The following CALN1 variants were observed in gnomAD, a reference collection of about 807,000 sequenced individuals.
CALN1 encodes calcium-binding protein 8.
In CALN1, 17 loss-of-function variants were observed where a neutral mutation model predicts 30.6. The ratio of observed to expected loss-of-function variants is 0.56; its 90% CI spans 0.38 to 0.83. The LOEUF (loss-of-function observed/expected upper bound fraction) is 0.83. Among genes scored for constraint, CALN1 ranks in the 40% least tolerant of loss-of-function variants. The pLI, the probability that CALN1 is intolerant of heterozygous loss-of-function variation, is 0.00. For synonymous variants in CALN1, 156 were observed against 131.4 expected, an observed-to-expected ratio of 1.19 and a Z score of -1.28; for missense variants, 291 against 354.9, an observed-to-expected ratio of 0.82 and a Z score of 1.45.
At chr7:71,799,411 C>T (rs1346948060) in intron 6 of CALN1, among the ~76,000 whole-genome samples, 1 of 150,128 alleles carries the variant, frequency 6.7e-6, no homozygotes, top group East Asian at 2.0e-4. Flanking sequence ...CAAAACAGCT[C>T]TCTGGGTCTT....
chr7:72,324,754 G>A (rs1055648847), intron 2 of CALN1, among the ~76,000 whole-genome samples: 11 of 151,756 alleles, frequency 7.2e-5, no homozygotes, highest in South Asian at 4.2e-4. Context: ...GCTAATTTTT[G>A]TATTTTTTTG....
At chr7:72,253,626 A>G (rs184844611) in intron 3 of CALN1, among the ~76,000 whole-genome samples, 15 of 152,326 alleles carry the variant, frequency 9.8e-5, no homozygotes, top group African/African-American at 3.6e-4. Context: ...CTGTCATAAG[A>G]ACAGCACGGG....
At chr7:71,821,955 A>G (rs117188540) in intron 5 of CALN1, among the ~76,000 whole-genome samples, 281 of 151,624 alleles carry the variant, frequency 1.9e-3, no homozygotes, top group Middle Eastern at 6.8e-3. Context: ...TTTTGTAGAG[A>G]TGCAGTCTGG....
At chr7:72,180,704 C>T (rs1371837675) in intron 3 of CALN1, among the ~76,000 whole-genome samples, 2 of 149,816 alleles carry the variant, frequency 1.3e-5, no homozygotes, top group East Asian at 4.0e-4. Flanking sequence ...AACTCCCAGG[C>T]TCAAGTGATC....
intron 4 of CALN1, among the ~76,000 whole-genome samples, chr7:72,067,421 A>G (rs1314337190): frequency 2.6e-5 from 4 of 151,414 alleles, no homozygotes; most frequent in Admixed American, 2.6e-4. Flanking sequence ...TTTTTCTATT[A>G]TTATTTTTAA....
intron 3 of CALN1, among the ~76,000 whole-genome samples, chr7:72,263,193 G>T (rs963315828): frequency 6.6e-6 from 1 of 152,142 alleles, no homozygotes; most frequent in Admixed American, 6.5e-5. Flanking sequence ...CATACTGTGT[G>T]TATTTGGCAT....
At chr7:72,131,579 T>G (rs1291161553) in intron 3 of CALN1, among the ~76,000 whole-genome samples, 1 of 152,182 alleles carries the variant, frequency 6.6e-6, no homozygotes, top group Non-Finnish European at 1.5e-5. Flanking sequence ...CTCCACTCCA[T>G]TCAAGAAACC....
chr7:72,501,370 T>TAAAAAAAAAAAAAAA, the CALN1 span, among the ~76,000 whole-genome samples: 21 of 42,792 alleles, frequency 4.9e-4, 1 homozygote, highest in Non-Finnish European at 5.8e-4. Context: ...ACGTCTCTAT[T>TAAAAAAAAAAAAAAA]AAAAAAAAAA....
At chr7:72,448,626 G>C (rs777087839), upstream of CALN1, among the ~76,000 whole-genome samples, 3 of 142,976 alleles carry the variant, frequency 2.1e-5, no homozygotes, top group Non-Finnish European at 4.6e-5. Context: ...TTTTTTTTTT[G>C]ACGGAGTCTC....
intron 1 of CALN1, among the ~76,000 whole-genome samples, chr7:72,426,332 G>T (rs1426050791): frequency 6.6e-6 from 1 of 152,226 alleles, no homozygotes; most frequent in Non-Finnish European, 1.5e-5. Flanking sequence ...GGAGAGACCA[G>T]GTAAGAGGTG....
At chr7:71,993,021 AAAGAGAACCATTGGAGAAG>A (rs1368719934) in intron 5 of CALN1, among the ~76,000 whole-genome samples, 2 of 151,860 alleles carry the variant, frequency 1.3e-5, no homozygotes, top group African/African-American at 4.9e-5. Context: ...ATTGGAGAAG[AAAGAGAACCATTGGAGAAG>A]AAAGGCTTTT....
At chr7:71,966,250 C>T (rs1388064643) in intron 5 of CALN1, among the ~76,000 whole-genome samples, 1 of 152,200 alleles carries the variant, frequency 6.6e-6, no homozygotes, top group Non-Finnish European at 1.5e-5. Context: ...TATAACTTTA[C>T]TTGCAAAATA....
At chr7:71,855,202 T>C (rs1790872953) in intron 5 of CALN1, among the ~76,000 whole-genome samples, 1 of 152,200 alleles carries the variant, frequency 6.6e-6, no homozygotes, top group African/African-American at 2.4e-5. Context: ...AAGTGTGGTC[T>C]ATGGGCTGGC....
chr7:71,953,918 T>C (rs1049044648), intron 5 of CALN1, among the ~76,000 whole-genome samples: 2 of 151,560 alleles, frequency 1.3e-5, no homozygotes, highest in East Asian at 3.9e-4. Context: ...CAAGGTGGGG[T>C]TGGTGGTTGG....
At chr7:71,825,991 C>A (rs1293177221) in intron 5 of CALN1, among the ~76,000 whole-genome samples, 2 of 132,218 alleles carry the variant, frequency 1.5e-5, no homozygotes, top group Non-Finnish European at 3.1e-5. Flanking sequence ...CAAGACTGTA[C>A]CACTGCACTC....
At chr7:72,044,551 C>T (rs1178242073) in intron 4 of CALN1, among the ~76,000 whole-genome samples, 4 of 149,870 alleles carry the variant, frequency 2.7e-5, no homozygotes, top group Non-Finnish European at 4.4e-5. Context: ...TCTACTCCGA[C>T]GGTTGCAGGG....
intron 2 of CALN1, among the ~76,000 whole-genome samples, chr7:72,295,752 G>A (rs1463082325): frequency 2.0e-5 from 3 of 151,476 alleles, no homozygotes; most frequent in Non-Finnish European, 4.4e-5. Context: ...ATCAGCTTAA[G>A]GAGATTTTGG....
intron 6 of CALN1, among the ~76,000 whole-genome samples, chr7:71,790,224 CGAAA>C (rs1378802161): frequency 2.2e-4 from 28 of 126,168 alleles, no homozygotes; most frequent in Non-Finnish European, 1.6e-4. Flanking sequence ...GAAAGGCAGG[CGAAA>C]GAAAGAATGA....
At chr7:72,242,317 CTGTT>C (rs199864003) in intron 3 of CALN1, among the ~76,000 whole-genome samples, 2,231 of 152,288 alleles carry the variant, frequency 0.015, 24 homozygotes, top group Non-Finnish European at 0.018. Context: ...GTGCACATAT[CTGTT>C]TGAGTCCCTG....
Sources: gnomAD v4.1 joint callset for allele counts (sites outside exome capture counted in the v4.1 genomes callset) on GRCh38, gnomAD v4.1.1 for gene constraint, MANE v1.5 for transcripts, NCBI Gene and HGNC (gene_info 2026-07-23, HGNC 2026-07-21) for gene names.